Variants in PPARGC1A observed in about 807,000 individuals in gnomAD.
PPARGC1A encodes peroxisome proliferator-activated receptor gamma coactivator 1-alpha.
PPARGC1A carries 25 observed loss-of-function variants against 88.7 expected under a neutral mutation model. The ratio of observed to expected loss-of-function variants is 0.28; its 90% CI spans 0.21 to 0.39. The LOEUF is 0.39. Ranked by LOEUF, PPARGC1A falls within the 10% of genes least tolerant of loss-of-function variation. PPARGC1A has a pLI of 1.00. For synonymous variants in PPARGC1A, 363 were observed against 355.6 expected (o/e 1.02, Z -0.24); for missense variants, 880 against 968.7 (o/e 0.91, Z 1.22).
At chr4:23,873,205 A>AAAAAAAAAAAAAAAAAAAC in intron 2 of PPARGC1A, among the ~76,000 whole-genome samples, 1 of 138,798 alleles carries the variant, frequency 7.2e-6, no homozygotes, top group African/African-American at 2.7e-5. Context: ...CTCAAAAATA[A>AAAAAAAAAAAAAAAAAAAC]AAAATAAAAA....
chr4:24,212,797 C>G, the PPARGC1A span, among the ~76,000 whole-genome samples: 1 of 152,194 alleles, frequency 6.6e-6, no homozygotes, highest in African/African-American at 2.4e-5. Flanking sequence ...GCAGCCCACA[C>G]GTATCCTCCT....
At chr4:23,983,822 C>A in the PPARGC1A span, among the ~76,000 whole-genome samples, 1 of 151,902 alleles carries the variant, frequency 6.6e-6, no homozygotes, top group South Asian at 2.1e-4. Flanking sequence ...AACCCCACAC[C>A]ACCAGCACCT....
intron 2 of PPARGC1A, among the ~76,000 whole-genome samples, chr4:23,846,892 C>G (rs1167596555): frequency 6.6e-6 from 1 of 152,068 alleles, no homozygotes; most frequent in African/African-American, 2.4e-5. Flanking sequence ...GGCTTATTTA[C>G]AAAAACAGGG....
chr4:24,177,503 T>C, the PPARGC1A span, among the ~76,000 whole-genome samples: 1 of 151,762 alleles, frequency 6.6e-6, no homozygotes, highest in Admixed American at 6.6e-5. Flanking sequence ...CATTAGGAGA[T>C]ATACCTAGTG....
the PPARGC1A span, among the ~76,000 whole-genome samples, chr4:24,134,552 A>G: frequency 6.6e-6 from 1 of 152,252 alleles, no homozygotes; most frequent in Non-Finnish European, 1.5e-5. Flanking sequence ...ATCTCCCAAT[A>G]AAATTTATTT....
the PPARGC1A span, among the ~76,000 whole-genome samples, chr4:24,404,179 T>C: frequency 6.6e-6 from 1 of 151,804 alleles, no homozygotes; most frequent in Non-Finnish European, 1.5e-5. Context: ...AGGAGAATTG[T>C]TTGAATCTGG....
the PPARGC1A span, among the ~76,000 whole-genome samples, chr4:23,933,515 C>T: frequency 6.6e-6 from 1 of 152,102 alleles, no homozygotes; most frequent in South Asian, 2.1e-4. Context: ...GCAAGAGAAA[C>T]TCATGTGGAA....
At chr4:24,059,752 A>G in the PPARGC1A span, among the ~76,000 whole-genome samples, 1 of 152,194 alleles carries the variant, frequency 6.6e-6, no homozygotes, top group South Asian at 2.1e-4. Flanking sequence ...CTATGGGAGA[A>G]TTTTCCTCCT....
At chr4:23,947,325 A>C in the PPARGC1A span, among the ~76,000 whole-genome samples, 8 of 145,166 alleles carry the variant, frequency 5.5e-5, no homozygotes, top group African/African-American at 2.1e-4. Flanking sequence ...TGTAAGGCAG[A>C]TATAATTATA....
the PPARGC1A span, among the ~76,000 whole-genome samples, chr4:23,942,687 C>A: frequency 1.6e-4 from 25 of 152,266 alleles, no homozygotes; most frequent in East Asian, 4.3e-3. Context: ...TCTTGGAATT[C>A]ATAATTCTTT....
the PPARGC1A span, among the ~76,000 whole-genome samples, chr4:24,120,000 G>A: frequency 6.6e-6 from 1 of 152,276 alleles, no homozygotes; most frequent in South Asian, 2.1e-4. Context: ...GTAAATAGTA[G>A]AGGAAGGCAG....
chr4:24,289,242 AAGAG>A, the PPARGC1A span, among the ~76,000 whole-genome samples: 8 of 95,802 alleles, frequency 8.4e-5, no homozygotes, highest in Admixed American at 1.4e-4. Context: ...AAAAAAAAAA[AAGAG>A]AGAGAGAGAG....
the PPARGC1A span, among the ~76,000 whole-genome samples, chr4:24,327,566 C>A: frequency 6.6e-6 from 1 of 152,026 alleles, no homozygotes; most frequent in Admixed American, 6.6e-5. Context: ...CATACAAAAC[C>A]GTATCCAGGC....
the PPARGC1A span, among the ~76,000 whole-genome samples, chr4:24,020,451 A>G: frequency 6.6e-6 from 1 of 152,144 alleles, no homozygotes; most frequent in African/African-American, 2.4e-5. Context: ...TTTTATAAGT[A>G]TAACATCAAT....
chr4:23,866,708 T>G (rs1712073619), intron 2 of PPARGC1A, among the ~76,000 whole-genome samples: 1 of 152,200 alleles, frequency 6.6e-6, no homozygotes, highest in South Asian at 2.1e-4. Context: ...ACGACCAAAC[T>G]TGTTCGGTAC....
At chr4:24,126,683 G>T in the PPARGC1A span, among the ~76,000 whole-genome samples, 1 of 152,108 alleles carries the variant, frequency 6.6e-6, no homozygotes, top group African/African-American at 2.4e-5. Context: ...AGCAAGTGTG[G>T]AAAAAGGTGG....
At chr4:23,973,333 T>C in the PPARGC1A span, among the ~76,000 whole-genome samples, 754 of 152,340 alleles carry the variant, frequency 4.9e-3, 5 homozygotes, top group African/African-American at 0.017. Context: ...TCAGACTTTA[T>C]TTTCCTTTCT....
the PPARGC1A span, among the ~76,000 whole-genome samples, chr4:23,996,148 T>G: frequency 1.3e-5 from 2 of 152,170 alleles, no homozygotes; most frequent in Admixed American, 1.3e-4. Flanking sequence ...CTCCTACCTT[T>G]GATTAACGGG....
the PPARGC1A span, among the ~76,000 whole-genome samples, chr4:24,420,141 A>G: frequency 8.5e-4 from 129 of 152,330 alleles, no homozygotes; most frequent in African/African-American, 3.0e-3. Context: ...TGCACCTTTT[A>G]CAGATGACAG....
Sources: gnomAD v4.1 joint callset for allele counts (sites outside exome capture counted in the v4.1 genomes callset) on GRCh38, gnomAD v4.1.1 for gene constraint, MANE v1.5 for transcripts, NCBI Gene and HGNC (gene_info 2026-07-23, HGNC 2026-07-21) for gene names.